SLC35H1: variants seen among roughly 807,000 people sequenced by gnomAD.
The protein encoded by SLC35H1 is ovarian cancer-overexpressed gene 1 protein.
chr20:46,352,240 GGAGA>G, the SLC35H1 span: 21 of 1,612,990 alleles, frequency 1.3e-5, no homozygotes, highest in Non-Finnish European at 1.8e-5. Context: ...AAAGCAACAG[GGAGA>G]GAGAGTGGGA....
chr20:46,356,705 C>G, the SLC35H1 span: 1 of 1,459,834 alleles, frequency 6.9e-7, no homozygotes, highest in Non-Finnish European at 9.4e-7. Flanking sequence ...GGCTGGTACC[C>G]TGAGGCACCT....
At chr20:46,355,325 C>T in the SLC35H1 span, 2 of 1,461,856 alleles carry the variant, frequency 1.4e-6, no homozygotes, top group Non-Finnish European at 1.8e-6. This position sits in a 1 kb window ranked among gnomAD's most constrained non-coding sequence, Gnocchi z 4.8. Context: ...GGGTCAGCAG[C>T]CATCTTGGCT....
At chr20:46,352,590 CG>C in the SLC35H1 span, 1 of 196,088 alleles carries the variant, frequency 5.1e-6, no homozygotes, top group Non-Finnish European at 1.0e-5. Context: ...GGGATCCTAG[CG>C]GGATGATGAT....
the SLC35H1 span, chr20:46,358,377 C>T: frequency 5.0e-5 from 80 of 1,603,212 alleles, no homozygotes; most frequent in African/African-American, 9.4e-4. Context: ...CCAGCAAGGC[C>T]TCCTGGTACC....
At chr20:46,351,128 TA>T in the SLC35H1 span, among the ~76,000 whole-genome samples, 1 of 152,182 alleles carries the variant, frequency 6.6e-6, no homozygotes, top group Non-Finnish European at 1.5e-5. Context: ...CTGTCAGGAA[TA>T]AAAGAGGCAA....
the SLC35H1 span, chr20:46,350,720 A>C: frequency 6.2e-7 from 1 of 1,606,920 alleles, no homozygotes; most frequent in Non-Finnish European, 8.5e-7. Flanking sequence ...CACAGGGAGA[A>C]GAACAGAAAA....
chr20:46,348,443 A>C, the SLC35H1 span: 13 of 152,302 alleles, frequency 8.5e-5, no homozygotes, highest in African/African-American at 3.1e-4. Flanking sequence ...AAGACGGAGG[A>C]GGCCCTGGCC....
the SLC35H1 span, among the ~76,000 whole-genome samples, chr20:46,363,778 C>T: frequency 6.6e-6 from 1 of 152,258 alleles, no homozygotes; most frequent in Non-Finnish European, 1.5e-5. Context: ...CAGATCATGC[C>T]CTAAGGCTAA....
the SLC35H1 span, chr20:46,355,381 G>A: frequency 1.0e-6 from 1 of 959,786 alleles, no homozygotes; most frequent in South Asian, 1.6e-5. The surrounding 1 kb of genome is among the most constrained non-coding windows in gnomAD (Gnocchi z 4.8). Context: ...CCATCCCAGG[G>A]GGTCCTGGAC....
chr20:46,362,628 C>T, the SLC35H1 span, among the ~76,000 whole-genome samples: 1 of 152,166 alleles, frequency 6.6e-6, no homozygotes, highest in Non-Finnish European at 1.5e-5. Context: ...CCTCCTGGTC[C>T]CCTTAACAGT....
chr20:46,349,221 G>C, the SLC35H1 span: 10 of 152,274 alleles, frequency 6.6e-5, no homozygotes, highest in Non-Finnish European at 1.5e-4. Flanking sequence ...AGGGCCGGGG[G>C]GGTCTCCCAT....
At chr20:46,348,525 T>C in the SLC35H1 span, 1 of 152,220 alleles carries the variant, frequency 6.6e-6, no homozygotes, top group Non-Finnish European at 1.5e-5. Context: ...GCCTCTGAGC[T>C]TGCGGAATCC....
At chr20:46,358,448 A>G in the SLC35H1 span, 1 of 1,614,204 alleles carries the variant, frequency 6.2e-7, no homozygotes, top group South Asian at 1.1e-5. Context: ...GAGAAGCACC[A>G]GCCCCAGGGT....
At chr20:46,350,893 G>C in the SLC35H1 span, 1 of 1,613,742 alleles carries the variant, frequency 6.2e-7, no homozygotes, top group East Asian at 2.2e-5. Context: ...CAGACTTCCT[G>C]GGGGCAGAGA....
At chr20:46,354,712 T>C in the SLC35H1 span, among the ~76,000 whole-genome samples, 3 of 152,192 alleles carry the variant, frequency 2.0e-5, no homozygotes, top group Non-Finnish European at 2.9e-5. Flanking sequence ...GAATTTTATA[T>C]GTGCTTTCTC....
chr20:46,358,714 G>C, the SLC35H1 span: 1 of 1,550,684 alleles, frequency 6.4e-7, no homozygotes, highest in African/African-American at 1.4e-5. Flanking sequence ...GGCTGGTGCT[G>C]ACCCTTCCCA....
chr20:46,352,314 A>G, the SLC35H1 span: 1 of 1,178,348 alleles, frequency 8.5e-7, no homozygotes. Flanking sequence ...CTTCCACTGT[A>G]GTAGTGAGTT....
At chr20:46,363,758 G>A in the SLC35H1 span, among the ~76,000 whole-genome samples, 2 of 152,152 alleles carry the variant, frequency 1.3e-5, no homozygotes, top group African/African-American at 4.8e-5. Flanking sequence ...CAGAGAGATG[G>A]CACACGAAAC....
chr20:46,359,330 A>G, the SLC35H1 span, among the ~76,000 whole-genome samples: 12 of 152,114 alleles, frequency 7.9e-5, no homozygotes, highest in African/African-American at 2.9e-4. Flanking sequence ...TCTCTTTCAT[A>G]GCACTTGTGC....
Sources: gnomAD v4.1 joint callset for allele counts (sites outside exome capture counted in the v4.1 genomes callset) on GRCh38, gnomAD v4.1.1 for gene constraint, Gnocchi (gnomAD v3.1) non-coding constraint, MANE v1.5 for transcripts, NCBI Gene and HGNC (gene_info 2026-07-23, HGNC 2026-07-21) for gene names.